Variants in HCRTR2 observed in about 807,000 individuals in gnomAD.
HCRTR2 encodes orexin receptor type 2.
Under a neutral mutation model 49.0 loss-of-function variants are expected in HCRTR2, and 22 were observed. That is an observed-to-expected ratio of 0.45 (90% CI 0.32 to 0.64). HCRTR2 has a LOEUF of 0.64. Ranked by LOEUF, HCRTR2 falls within the 30% of genes least tolerant of loss-of-function variation. The pLI, the probability that HCRTR2 is intolerant of heterozygous loss-of-function variation, is 0.04. For missense variants in HCRTR2, 491 were observed against 559.4 expected, an observed-to-expected ratio of 0.88 and a Z score of 1.23; for synonymous variants, 236 against 205.3, an observed-to-expected ratio of 1.15 and a Z score of -1.28.
chr6:55,117,700 A>G (rs1764137369), intron 1 of HCRTR2, among the ~76,000 whole-genome samples: 1 of 145,918 alleles, frequency 6.9e-6, no homozygotes, highest in Non-Finnish European at 1.5e-5. Flanking sequence ...ACAGGATTTC[A>G]CTTCCTGATT....
At chr6:55,127,730 A>G (rs1764300828) in intron 1 of HCRTR2, among the ~76,000 whole-genome samples, 2 of 152,186 alleles carry the variant, frequency 1.3e-5, no homozygotes, top group Admixed American at 6.5e-5. Flanking sequence ...CTCTTGCATT[A>G]TAGATCTCTG....
intron 1 of HCRTR2, among the ~76,000 whole-genome samples, chr6:55,167,098 A>G (rs780099159): frequency 1.3e-5 from 2 of 152,148 alleles, no homozygotes; most frequent in Non-Finnish European, 2.9e-5. Context: ...TTGTGAATAT[A>G]CTATAAACCA....
chr6:55,261,401 T>A (rs996984171), intron 3 of HCRTR2, among the ~76,000 whole-genome samples: 6 of 152,108 alleles, frequency 3.9e-5, no homozygotes, highest in Admixed American at 2.6e-4. Context: ...ACCACTTTTT[T>A]TTTTATTTTT....
At chr6:55,272,289 T>A (rs1562029599) in intron 4 of HCRTR2, among the ~76,000 whole-genome samples, 1 of 152,060 alleles carries the variant, frequency 6.6e-6, no homozygotes, top group Admixed American at 6.6e-5. Context: ...TCTATTTGCA[T>A]GAAAATGTTG....
chr6:55,179,647 G>A (rs770400467), intron 1 of HCRTR2, among the ~76,000 whole-genome samples: 18 of 152,044 alleles, frequency 1.2e-4, no homozygotes, highest in Non-Finnish European at 1.9e-4. Flanking sequence ...ATATATTTGG[G>A]AAATGGGATA....
intron 1 of HCRTR2, among the ~76,000 whole-genome samples, chr6:55,139,805 A>C (rs1344993139): frequency 6.6e-6 from 1 of 152,222 alleles, no homozygotes; most frequent in Admixed American, 6.5e-5. Flanking sequence ...ATTCCAGATT[A>C]CTTGAAATCT....
chr6:55,215,129 A>C (rs1318591738), intron 1 of HCRTR2, among the ~76,000 whole-genome samples: 2 of 152,200 alleles, frequency 1.3e-5, no homozygotes, highest in Non-Finnish European at 2.9e-5. Context: ...ACTTCAGCAC[A>C]TTATAATCTA....
intron 1 of HCRTR2, among the ~76,000 whole-genome samples, chr6:55,165,323 T>C (rs1156963192): frequency 2.6e-5 from 4 of 152,036 alleles, no homozygotes; most frequent in African/African-American, 9.7e-5. Flanking sequence ...ACCATTCAGA[T>C]TTAACCCAAA....
chr6:55,125,315 C>G (rs1164498464), intron 1 of HCRTR2, among the ~76,000 whole-genome samples: 1 of 152,148 alleles, frequency 6.6e-6, no homozygotes, highest in African/African-American at 2.4e-5. Context: ...CTGGTGGTGA[C>G]AAAATCTCTC....
chr6:55,117,717 T>G (rs1475409704), intron 1 of HCRTR2, among the ~76,000 whole-genome samples: 3 of 143,708 alleles, frequency 2.1e-5, no homozygotes, highest in African/African-American at 7.8e-5. Flanking sequence ...GATTCCACTG[T>G]GTAGAAACTG....
At chr6:55,276,194 C>G (rs538847150) in intron 4 of HCRTR2, among the ~76,000 whole-genome samples, 2 of 152,102 alleles carry the variant, frequency 1.3e-5, no homozygotes, top group African/African-American at 2.4e-5. Context: ...ACAAGACATA[C>G]AGAGTGAGAA....
At chr6:55,158,926 G>T (rs1764766842) in intron 1 of HCRTR2, among the ~76,000 whole-genome samples, 1 of 152,180 alleles carries the variant, frequency 6.6e-6, no homozygotes. Context: ...AGACAGCAGG[G>T]GATCTCCCAG....
intron 1 of HCRTR2, among the ~76,000 whole-genome samples, chr6:55,192,237 G>A (rs1765327876): frequency 6.6e-6 from 1 of 151,936 alleles, no homozygotes; most frequent in South Asian, 2.1e-4. Flanking sequence ...AAAAAATTAG[G>A]ATCTGCCTTG....
At chr6:55,112,086 T>C (rs1041658885) in intron 1 of HCRTR2, among the ~76,000 whole-genome samples, 1 of 152,064 alleles carries the variant, frequency 6.6e-6, no homozygotes, top group Non-Finnish European at 1.5e-5. Context: ...TTTGACAAAA[T>C]TCAGCATCCC....
At chr6:55,254,245 AT>A (rs1439599797) in intron 2 of HCRTR2, among the ~76,000 whole-genome samples, 1 of 151,184 alleles carries the variant, frequency 6.6e-6, no homozygotes, top group African/African-American at 2.4e-5. Flanking sequence ...GTAAAAAAAA[AT>A]GTAAAAGAAA....
intron 1 of HCRTR2, among the ~76,000 whole-genome samples, chr6:55,116,725 A>AAAAAC (rs1764122770): frequency 1.5e-5 from 1 of 67,912 alleles, no homozygotes; most frequent in Non-Finnish European, 3.5e-5. Flanking sequence ...GAAAAAAAAA[A>AAAAAC]AAACTCTTAT....
chr6:55,282,605 A>T lies in HCRTR2; in HGVS notation c.*151A>T. On this transcript the variant is annotated 3_prime_UTR_variant, in exon 7 of 7. Coordinates refer to ENST00000370862, the MANE Select transcript of HCRTR2 (RefSeq NM_001384272.1). ...TATTGCTCTTTGGAAATAAAAAAAA[A>T]GTCAGTTTAAAATGATTTCTCAACT... is the stretch of plus-strand genomic sequence containing the variant. The T allele has an allele frequency of 1.6e-6, 1 of 615,562 alleles. No homozygotes were observed. Among genetic ancestry groups the T allele is most frequent in the South Asian group, 2.0e-5 (1 of 50,398 alleles). 38.1% of individuals were successfully genotyped at this position (615,562 alleles called of 1,614,324 possible).
intron 1 of HCRTR2, among the ~76,000 whole-genome samples, chr6:55,211,807 T>C (rs1007765902): frequency 1.3e-5 from 2 of 152,140 alleles, no homozygotes; most frequent in African/African-American, 4.8e-5. Context: ...TCTGGGAAGC[T>C]TTCTATTATT....
chr6:55,146,353 G>A (rs929643295), intron 1 of HCRTR2, among the ~76,000 whole-genome samples: 1 of 152,024 alleles, frequency 6.6e-6, no homozygotes, highest in Admixed American at 6.6e-5. Flanking sequence ...AATGCCACAT[G>A]GTTATAGAAT....
Sources: gnomAD v4.1 joint callset for allele counts (sites outside exome capture counted in the v4.1 genomes callset) on GRCh38, gnomAD v4.1.1 for gene constraint, MANE v1.5 for transcripts, NCBI Gene and HGNC (gene_info 2026-07-23, HGNC 2026-07-21) for gene names.